Variants in KRT2 observed in about 807,000 individuals in gnomAD.
KRT2 encodes the protein keratin, type II cytoskeletal 2 epidermal.
KRT2 carries 37 observed loss-of-function variants against 48.5 expected under a neutral mutation model. That is an observed-to-expected ratio of 0.76 (90% confidence interval 0.59 to 1.00). The LOEUF (loss-of-function observed/expected upper bound fraction) is 1.00, where lower values mean the gene tolerates loss of function less well. KRT2 is among the 50% of genes least tolerant of loss of function. The pLI, the probability that KRT2 is intolerant of heterozygous loss-of-function variation, is 0.00. For missense variants in KRT2, 880 were observed against 815.2 expected (o/e 1.08, Z -0.97); for synonymous variants, 324 against 312.2 (o/e 1.04, Z -0.40).
chr12:52,647,762 G>T lies in KRT2; in HGVS notation c.1216C>A (p.Leu406Met). Reference sequence around the variant, plus strand: ...TTCACATGTGCGATCTCCCCCTGCAGCCTCTGGATCACGCGGTTCAGCTCG... The same window carrying T: ...TTCACATGTGCGATCTCCCCCTGCATCCTCTGGATCACGCGGTTCAGCTCG... ...ISELNRVIQR[L>M]QGEIAHVKKQ... Residue 406 changes from leucine (L) to methionine (M), a missense_variant, in exon 6 of 9, where the codon CTG (leucine) becomes ATG (methionine). Transcript: ENST00000309680. The T allele has an allele frequency of 6.2e-7, 1 of 1,614,044 alleles. No homozygotes were observed. The highest frequency in any genetic ancestry group is 8.5e-7 in the Non-Finnish European group (1 of 1,179,986).
At chr12:52,647,671 ACT>A in intron 6 of KRT2, 57 bp downstream of exon 6, 1 of 1,599,788 alleles carries the variant, frequency 6.3e-7, no homozygotes. Context: ...ACACAACCAC[ACT>A]CTCACGCACA....
rs1941229439 is a variant in KRT2 at position 52,650,337 on chromosome 12, A to G, written c.800+2T>C. Reference sequence around the variant, plus strand: ...CACTCAGCGTTTCACTCTGCCACCTACTTCTTCTTATAATCCTCCACAAGA... The same window carrying G: ...CACTCAGCGTTTCACTCTGCCACCTGCTTCTTCTTATAATCCTCCACAAGA... On this transcript the variant is annotated splice_donor_variant, in intron 2 of 8. Coordinates refer to ENST00000309680, the MANE Select transcript of KRT2 (RefSeq NM_000423.3). LOFTEE classifies it high-confidence loss of function. 4 of 1,612,442 alleles carry G rather than the reference A, an allele frequency of 2.5e-6. No individual in the cohort carries two copies. Among genetic ancestry groups the G allele is most frequent in the Non-Finnish European group, 2.5e-6 (3 of 1,178,584 alleles).
chr12:52,644,746 C>G lies in KRT2; in HGVS notation c.*273G>C. The G allele has an allele frequency of 1.9e-6, 1 of 518,666 alleles. No homozygotes were observed. Among genetic ancestry groups the G allele is most frequent in the Non-Finnish European group, 3.5e-6 (1 of 287,742 alleles). The allele number at this position is 518,666 out of a possible 1,614,324, so 32.1% of individuals were successfully genotyped here. The stretch of plus-strand genomic sequence containing the variant: ...CTGGAAAATGGGCAATGCAAAGAGG[C>G]ATGGTGGGGGCGGGAATGGGCATGG... On this transcript the variant is annotated 3_prime_UTR_variant, in exon 9 of 9. Coordinates refer to ENST00000309680, the MANE Select transcript of KRT2 (RefSeq NM_000423.3).
rs1941232356 is a variant in KRT2 at position 52,650,472 on chromosome 12, T to G, written c.667A>C (p.Ile223Leu). 3 of 1,613,996 alleles carry G rather than the reference T, an allele frequency of 1.9e-6. No individual in the cohort carries two copies. The highest frequency in any genetic ancestry group is 2.7e-5 in the African/African-American group (2 of 75,054). Residue 223 changes from isoleucine to leucine, a missense_variant, in exon 2 of 9, where the codon ATC (isoleucine) becomes CTC (leucine). Coordinates refer to ENST00000309680, the MANE Select transcript of KRT2 (RefSeq NM_000423.3). ...LQQMNVGTRP[I>L]NLEPIFQGYI... Reference sequence around the variant, plus strand: ...CCCTGGAAGATGGGCTCCAGGTTGATGGGGCGGGTGCCAACATTCATTTGT... The same window carrying G: ...CCCTGGAAGATGGGCTCCAGGTTGAGGGGGCGGGTGCCAACATTCATTTGT...
intron 3 of KRT2, among the ~76,000 whole-genome samples, chr12:52,649,358 C>T (rs957365116): frequency 6.6e-6 from 1 of 152,156 alleles, no homozygotes; most frequent in Non-Finnish European, 1.5e-5. Flanking sequence ...GCCAACCAGC[C>T]CCTCTCTCCT....
chr12:52,648,753 T>C (rs1303852671), intron 4 of KRT2, among the ~76,000 whole-genome samples: 2 of 152,052 alleles, frequency 1.3e-5, no homozygotes, highest in African/African-American at 2.4e-5. Context: ...CCAGGGGAAA[T>C]GGACATCTGG....
chr12:52,644,751 TG>T lies in KRT2; in HGVS notation c.*267del. 3.8e-6 allele frequency: 2 copies of T among 527,056 alleles called. No individual in the cohort carries two copies. The highest frequency in any genetic ancestry group is 6.8e-6 in the Non-Finnish European group (2 of 293,044). 32.6% of individuals were successfully genotyped at this position (527,056 alleles called of 1,614,324 possible). ...AAATGGGCAATGCAAAGAGGCATGGTGGGGGCGGGAATGGGCATGGCTAGAA... is the reference window on the plus strand; with the variant it reads ...AAATGGGCAATGCAAAGAGGCATGGTGGGGCGGGAATGGGCATGGCTAGAA... On this transcript the variant is annotated 3_prime_UTR_variant, in exon 9 of 9. Transcript: ENST00000309680.
intron 7 of KRT2, among the ~76,000 whole-genome samples, chr12:52,646,367 C>T (rs946705772): frequency 2.0e-5 from 3 of 152,250 alleles, no homozygotes; most frequent in South Asian, 4.1e-4. Flanking sequence ...TCATCTCCCC[C>T]ATTCTGGGTC....
At chr12:52,647,890 G>A in intron 5 of KRT2, 35 bp from the exon 6 acceptor site, 2 of 1,613,734 alleles carry the variant, frequency 1.2e-6, no homozygotes, top group Non-Finnish European at 1.7e-6. Context: ...TTGCAAGGAA[G>A]TTCCAGCCTG....
intron 6 of KRT2, among the ~76,000 whole-genome samples, chr12:52,647,506 C>T (rs1170686957): frequency 6.6e-6 from 1 of 152,260 alleles, no homozygotes; most frequent in Admixed American, 6.5e-5. Flanking sequence ...GAGCACAATT[C>T]TTTCCCTTCG....
chr12:52,645,093 C>T lies in KRT2; in HGVS notation c.1846G>A (p.Gly616Ser). The change falls in exon 9 of 9, where the codon GGT becomes AGT. Residue 616 changes from glycine to serine, a missense_variant. By Grantham distance (56) the Gly-to-Ser change is moderately conservative. Transcript: ENST00000309680. The part of the protein sequence containing the change: ...SSSGGGYGSG[G>S]GGSSSVKGSS... ...CCCTTTACAGAGCTAGAACCCCCAC[C>T]TCCAGAGCCATATCCTCCTCCAGAG... is the stretch of plus-strand genomic sequence containing the variant. 6.2e-7 allele frequency: 1 copy of T among 1,613,898 alleles called. No homozygotes were observed. Among genetic ancestry groups the T allele is most frequent in the Non-Finnish European group, 8.5e-7 (1 of 1,180,020 alleles).
At chr12:52,647,945 G>C (rs532891871) in intron 5 of KRT2, 90 bp from the exon 6 acceptor site, 59 of 1,547,536 alleles carry the variant, frequency 3.8e-5, no homozygotes, top group Non-Finnish European at 5.2e-5. Flanking sequence ...CTGGTTACTG[G>C]TCCAGGGAGG....
intron 5 of KRT2, 104 bp downstream of exon 5, chr12:52,648,069 C>T: frequency 1.4e-6 from 2 of 1,379,766 alleles, no homozygotes; most frequent in South Asian, 2.3e-5. Context: ...TGCCCAACTA[C>T]CATTAAACAA....
chr12:52,649,852 G>T lies in KRT2; in HGVS notation c.861+62C>A, dbSNP rs632952. The T allele has an allele frequency of 0.43, 554,733 of 1,291,086 alleles. 123,095 individuals carry two copies. The highest frequency in any genetic ancestry group is 0.45 in the Non-Finnish European group (399,388 of 885,224). The allele number at this position is 1,291,086 out of a possible 1,614,324, so 80.0% of individuals were successfully genotyped here. Reference sequence around the variant, plus strand: ...AGTTGATTTCCAAACTGGCTGCTTAGACACAATGGGGCTGTGAAGCACTCC... The same window carrying T: ...AGTTGATTTCCAAACTGGCTGCTTATACACAATGGGGCTGTGAAGCACTCC... On this transcript the variant is annotated intron_variant, in intron 3 of 8. Transcript: ENST00000309680.
rs2232556 is a variant in KRT2 at position 52,646,967 on chromosome 12, C to G, written c.1249-7G>C. The G allele has an allele frequency of 6.2e-7, 1 of 1,612,632 alleles. No individual in the cohort carries two copies. The highest frequency in any genetic ancestry group is 8.5e-7 in the Non-Finnish European group (1 of 1,178,834). On this transcript the variant is annotated splice_region_variant and splice_polypyrimidine_tract_variant and intron_variant, in intron 6 of 8. Transcript: ENST00000309680. ...CATCTTGCACATTCTTACACTATGA[C>G]AGAAGGACAGAGAATGGATTCTGCC...
At position 52,645,128 on chromosome 12, in the gene KRT2, C is replaced by A; in HGVS notation, c.1811G>T (p.Gly604Val). The A allele has an allele frequency of 6.2e-7, 1 of 1,613,966 alleles. No homozygotes were observed. The highest frequency in any genetic ancestry group is 8.5e-7 in the Non-Finnish European group (1 of 1,180,018). Residue 604 changes from glycine to valine, a missense_variant, in exon 9 of 9, where the codon GGA (glycine) becomes GTA (valine). Gly to Val is a moderately radical substitution (Grantham distance 109). Coordinates refer to ENST00000309680, the MANE Select transcript of KRT2 (RefSeq NM_000423.3). The part of the protein sequence containing the change: ...GKHSSGGGSR[G>V]GSSSGGGYGS... ...ATATCCTCCTCCAGAGCTGGAGCCT[C>A]CTCTAGAGCCACCTCCAGAGCTGTG...
rs765417535 is a variant in KRT2 at position 52,648,195 on chromosome 12, G to A, written c.1100C>T (p.Ala367Val). ...EEIAQRSKEEAEALYHSKYEE... is the reference protein window; with the variant it reads ...EEIAQRSKEEVEALYHSKYEE... ...TGCCTTGCTGTGGTACAGGGCCTCC[G>A]CTTCTTCCTTGCTCCTCTGGGCGAT... is the stretch of plus-strand genomic sequence containing the variant. Residue 367 changes from alanine to valine, a missense_variant, in exon 5 of 9, where the codon GCG (alanine) becomes GTG (valine). Physicochemically the swap from Ala to Val is moderately conservative, Grantham distance 64. Transcript: ENST00000309680. 38 of 1,614,128 alleles carry A rather than the reference G, an allele frequency of 2.4e-5. 1 individual carries two copies. Among genetic ancestry groups the A allele is most frequent in the South Asian group, 5.5e-5 (5 of 91,082 alleles).
At chr12:52,650,622 A>C in intron 1 of KRT2, 69 bp from the exon 2 acceptor site, 1 of 1,331,360 alleles carries the variant, frequency 7.5e-7, no homozygotes, top group Non-Finnish European at 1.1e-6. Context: ...CACGCTGGCC[A>C]GGGGCAGCTC....
intron 3 of KRT2, among the ~76,000 whole-genome samples, chr12:52,649,438 C>T (rs1402175900): frequency 3.9e-5 from 6 of 152,168 alleles, no homozygotes; most frequent in Non-Finnish European, 8.8e-5. Context: ...CCTCAGCTCT[C>T]TCATCCCGTC....
Sources: allele counts gnomAD v4.1 joint callset (sites outside exome capture counted in the v4.1 genomes callset), GRCh38; gene constraint gnomAD v4.1.1; transcripts MANE v1.5; gene names NCBI Gene and HGNC (gene_info 2026-07-23, HGNC 2026-07-21).